The following LRP2 variants were observed in gnomAD, a reference collection of about 807,000 sequenced individuals.
The protein encoded by LRP2 is low-density lipoprotein receptor-related protein 2.
LRP2 carries 172 observed loss-of-function variants against 531.0 expected under a neutral mutation model. The observed-to-expected ratio is 0.32, with a 90% CI of 0.29 to 0.37. The LOEUF is 0.37. Among genes scored for constraint, LRP2 ranks in the 10% least tolerant of loss-of-function variants. The probability of loss-of-function intolerance (pLI) is 1.00; values close to 1 mark genes in which losing one functional copy is unlikely to be tolerated. For synonymous variants in LRP2, 1,992 were observed against 2,027.6 expected (o/e 0.98, Z 0.47); for missense variants, 5,167 against 5,868.3 (o/e 0.88, Z 3.90).
chr2:169,346,400 A>G (rs1158300625), intron 1 of LRP2, among the ~76,000 whole-genome samples: 2 of 152,262 alleles, frequency 1.3e-5, no homozygotes, highest in Non-Finnish European at 2.9e-5. Context: ...ATTAGGGAAG[A>G]AGTAAATTCT....
In LRP2 at chr2:169,198,826, A is replaced by G. The variant is rs1688090352; in HGVS notation, c.8538T>C (p.Asn2846=). The change falls in exon 45 of 79, where the codon AAT becomes AAC. Residue 2846 remains asparagine (N), a synonymous_variant. Coordinates refer to ENST00000649046, the MANE Select transcript of LRP2 (RefSeq NM_004525.3). ...IPRVYLCDGD[N]DCGDNSDENP... ...TTTCATCACTGTTATCTCCACAGTC[A>G]TTGTCTCCGTCACACAAATAAACGC... The G allele has an allele frequency of 6.2e-7, 1 of 1,614,066 alleles. No homozygotes were observed. The highest frequency in any genetic ancestry group is 8.5e-7 in the Non-Finnish European group (1 of 1,179,926).
chr2:169,141,987 CT>C, intron 71 of LRP2, among the ~76,000 whole-genome samples: 1 of 152,206 alleles, frequency 6.6e-6, no homozygotes, highest in Non-Finnish European at 1.5e-5. Context: ...AAGCGTTTTC[CT>C]TTCCCCATCA....
Position 169,290,858 on chromosome 2 carries a change from G to A in LRP2, c.909C>T (p.Thr303=), listed in dbSNP as rs375394006. ...PGREDENNTS[T]GKYCSMTLCS... ...GTCTATACTCACTACAGTATTTTCC[G>A]GTACTAGTGTTGTTTTCATCTTCTC... The change falls in exon 8 of 79, where the codon ACC becomes ACT. Residue 303 remains threonine (T), a synonymous_variant. Transcript: ENST00000649046. The A allele has an allele frequency of 5.7e-5, 92 of 1,613,856 alleles. No homozygotes were observed. Among genetic ancestry groups the A allele is most frequent in the African/African-American group, 6.7e-5 (5 of 74,894 alleles).
intron 16 of LRP2, among the ~76,000 whole-genome samples, chr2:169,269,350 G>C (rs1389954156): frequency 6.6e-6 from 1 of 152,048 alleles, no homozygotes; most frequent in Non-Finnish European, 1.5e-5. Context: ...CTGACTTCAA[G>C]CTATACTACA....
At chr2:169,283,131 T>G (rs577762017) in intron 9 of LRP2, 130 bp from the exon 10 acceptor site, 7 of 825,714 alleles carry the variant, frequency 8.5e-6, no homozygotes, top group Admixed American at 3.6e-5. Flanking sequence ...CCTCTGGAAT[T>G]AGGCACAGGT....
At position 169,186,062 on chromosome 2, in the gene LRP2, G is replaced by A. The variant is rs557547322; in HGVS notation, c.9329-43C>T. The A allele has an allele frequency of 3.8e-5, 59 of 1,558,782 alleles. No homozygotes were observed. In the East Asian group the frequency reaches 9.4e-4, roughly 25 times the overall value. On this transcript the variant is annotated intron_variant, in intron 49 of 78. Coordinates refer to ENST00000649046, the MANE Select transcript of LRP2 (RefSeq NM_004525.3). ...TTCTTAGAGATCCTAAAATATCAAC[G>A]ACCAACTCACTATAATGGTTCAAAG...
chr2:169,196,629 G>T (rs1688013690), intron 46 of LRP2, among the ~76,000 whole-genome samples: 1 of 152,216 alleles, frequency 6.6e-6, no homozygotes, highest in Non-Finnish European at 1.5e-5. Context: ...CTAAAATTAA[G>T]TTCTACCAGC....
In LRP2 at chr2:169,270,946, T is replaced by G; in HGVS notation, c.2278A>C (p.Met760Leu). The part of the protein sequence containing the change: ...AQDSTIFFSD[M>L]SKHMIFKQKI... ...TGCTTAAAAATCATGTGTTTTGACA[T>G]ATCTGAAAAAAAGATAGTGCTGTCC... Residue 760 changes from methionine to leucine, a missense_variant, in exon 16 of 79, where the codon ATG becomes CTG. By Grantham distance (15) the Met-to-Leu change is conservative (BLOSUM62 2). Coordinates refer to ENST00000649046, the MANE Select transcript of LRP2 (RefSeq NM_004525.3). 6.2e-7 allele frequency: 1 copy of G among 1,613,184 alleles called. No homozygotes were observed. Among genetic ancestry groups the G allele is most frequent in the Non-Finnish European group, 8.5e-7 (1 of 1,179,602 alleles).
At chr2:169,323,304 T>G (rs1199665892) in intron 1 of LRP2, among the ~76,000 whole-genome samples, 1 of 152,220 alleles carries the variant, frequency 6.6e-6, no homozygotes, top group Non-Finnish European at 1.5e-5. Flanking sequence ...AAACGACTAT[T>G]GTTTGGAAAT....
At chr2:169,212,261 C>A (rs1688622135) in intron 36 of LRP2, 54 bp from the exon 37 acceptor site, 1 of 1,612,484 alleles carries the variant, frequency 6.2e-7, no homozygotes. Flanking sequence ...CTCGCCACCC[C>A]ATCTCAAATT....
intron 57 of LRP2, 85 bp from the exon 58 acceptor site, chr2:169,172,219 G>C: frequency 1.3e-6 from 2 of 1,513,574 alleles, no homozygotes; most frequent in Non-Finnish European, 1.8e-6. Flanking sequence ...GAGACAGTCT[G>C]AGAATTGTAT....
intron 31 of LRP2, 32 bp from the exon 32 acceptor site, chr2:169,226,620 A>G (rs1244759343): frequency 2.0e-6 from 3 of 1,512,234 alleles, no homozygotes; most frequent in Non-Finnish European, 2.8e-6. Context: ...AGTCAAAATC[A>G]TATCCCACTA....
chr2:169,284,573 A>G (rs1214065545), intron 9 of LRP2, among the ~76,000 whole-genome samples: 1 of 152,028 alleles, frequency 6.6e-6, no homozygotes, highest in Admixed American at 6.6e-5. Context: ...AGCCCCAAGA[A>G]GGCTCTTCTA....
chr2:169,290,445 C>T (rs1683971223), intron 8 of LRP2, among the ~76,000 whole-genome samples: 1 of 151,998 alleles, frequency 6.6e-6, no homozygotes, highest in South Asian at 2.1e-4. Context: ...AATTGTTAGG[C>T]TCTTCCCATC....
Position 169,247,530 on chromosome 2 carries a change from G to A in LRP2, c.2771-15C>T. ...AAATAAATGCTCTGAAAAGAAACAT[G>A]GGTAGATTAGTATTTTCAGTCACAG... On this transcript the variant is annotated splice_polypyrimidine_tract_variant and intron_variant, in intron 19 of 78. Coordinates refer to ENST00000649046, the MANE Select transcript of LRP2 (RefSeq NM_004525.3). The A allele has an allele frequency of 1.2e-6, 2 of 1,613,796 alleles. No homozygotes were observed. Among genetic ancestry groups the A allele is most frequent in the Non-Finnish European group, 1.7e-6 (2 of 1,179,788 alleles).
chr2:169,320,714 G>T, intron 2 of LRP2, 63 bp downstream of exon 2: 1 of 1,342,758 alleles, frequency 7.4e-7, no homozygotes. Context: ...TGTTACAGCT[G>T]AAATCACCAG....
At chr2:169,228,647 C>T (rs1689287860) in intron 31 of LRP2, among the ~76,000 whole-genome samples, 1 of 152,210 alleles carries the variant, frequency 6.6e-6, no homozygotes, top group African/African-American at 2.4e-5. Flanking sequence ...CCCGCTTCTA[C>T]TGCTTCCTGG....
chr2:169,169,295 C>G (rs1247996493), intron 60 of LRP2, among the ~76,000 whole-genome samples: 1 of 152,204 alleles, frequency 6.6e-6, no homozygotes, highest in Non-Finnish European at 1.5e-5. Flanking sequence ...CATTTTTATA[C>G]TCCATCGTGT....
At position 169,146,761 on chromosome 2, in the gene LRP2, A is replaced by G. The variant is rs1465721089; in HGVS notation, c.12789T>C (p.Asp4263=). 1 of 1,613,404 alleles carries G rather than the reference A, an allele frequency of 6.2e-7. No homozygotes were observed. Among genetic ancestry groups the G allele is most frequent in the African/African-American group, 1.3e-5 (1 of 74,902 alleles). The change falls in exon 69 of 79, where the codon GAT becomes GAC. Residue 4263 remains aspartate (D), a synonymous_variant. Transcript: ENST00000649046. ...AACCTTCCTTTGCAATGACTCTCCTATCAGTCCCATCATATTTTATGGTTT... is the reference window on the plus strand; with the variant it reads ...AACCTTCCTTTGCAATGACTCTCCTGTCAGTCCCATCATATTTTATGGTTT... ...VIETIKYDGT[D]RRVIAKEAMN... is the part of the protein sequence containing the mutation.
Sources: allele counts gnomAD v4.1 joint callset (sites outside exome capture counted in the v4.1 genomes callset), GRCh38; gene constraint gnomAD v4.1.1; transcripts MANE v1.5; gene names NCBI Gene and HGNC (gene_info 2026-07-23, HGNC 2026-07-21).